The following PPP2R2C variants were observed in gnomAD, a reference collection of about 807,000 sequenced individuals.
The protein encoded by PPP2R2C is protein phosphatase 2 regulatory subunit Bgamma, also known as protein phosphatase 2, regulatory subunit B, gamma.
A neutral mutation model predicts 45.3 loss-of-function variants in PPP2R2C; 10 were observed. That is an observed-to-expected ratio of 0.22 (90% CI 0.14 to 0.37). PPP2R2C has a LOEUF of 0.37. PPP2R2C is among the 10% of genes least tolerant of loss of function. PPP2R2C has a pLI of 1.00. For synonymous variants in PPP2R2C, 257 were observed against 245.4 expected (o/e 1.05, Z -0.44); for missense variants, 308 against 619.7 (o/e 0.50, Z 5.34).
intron 1 of PPP2R2C, among the ~76,000 whole-genome samples, chr4:6,536,551 A>C (rs1266135679): frequency 6.6e-6 from 1 of 152,254 alleles, no homozygotes; most frequent in Non-Finnish European, 1.5e-5. Flanking sequence ...GCACTTTTCA[A>C]ATATGGCAGT....
chr4:6,508,904 C>T (rs546093489), intron 2 of PPP2R2C, among the ~76,000 whole-genome samples: 1 of 152,190 alleles, frequency 6.6e-6, no homozygotes, highest in Non-Finnish European at 1.5e-5. Context: ...AGCATGCCAA[C>T]GTATAAAACC....
intron 1 of PPP2R2C, among the ~76,000 whole-genome samples, chr4:6,550,433 C>T (rs1262662210): frequency 1.3e-5 from 2 of 152,218 alleles, no homozygotes; most frequent in African/African-American, 4.8e-5. Context: ...CACAGAACTT[C>T]ACCCTTCACT....
rs1009784522 is a variant in PPP2R2C at position 6,471,856 on chromosome 4, A to G, written c.70+304T>C. On this transcript the variant is annotated intron_variant, in intron 1 of 8. Coordinates refer to ENST00000382599, the MANE Select transcript of PPP2R2C (RefSeq NM_020416.4). The surrounding 1 kb of genome is among the most constrained non-coding windows in gnomAD (Gnocchi z 5.6). The stretch of plus-strand genomic sequence containing the variant: ...CGTGGCCTTTTAAAAAATTATGGTC[A>G]GGGCCGAATCAGGATGCCACCTGGC... Among the ~76,000 whole-genome samples, 1 of 151,890 alleles carries G rather than the reference A, an allele frequency of 6.6e-6. No homozygotes were observed. Among genetic ancestry groups the G allele is most frequent in the African/African-American group, 2.4e-5 (1 of 41,360 alleles).
chr4:6,417,576 C>T (rs747275975), intron 1 of PPP2R2C, among the ~76,000 whole-genome samples: 1 of 152,256 alleles, frequency 6.6e-6, no homozygotes, highest in African/African-American at 2.4e-5. Context: ...GCCTGGCACA[C>T]CCATGCCAGG....
chr4:6,390,479 G>A (rs951701061), intron 1 of PPP2R2C, among the ~76,000 whole-genome samples: 1 of 152,198 alleles, frequency 6.6e-6, no homozygotes, highest in Non-Finnish European at 1.5e-5. Flanking sequence ...CAGCCAACAA[G>A]AGCTGCCTGA....
At chr4:6,514,190 A>G (rs1723762010) in intron 2 of PPP2R2C, among the ~76,000 whole-genome samples, 1 of 152,220 alleles carries the variant, frequency 6.6e-6, no homozygotes, top group Non-Finnish European at 1.5e-5. Context: ...GCAGGTGACA[A>G]TGTTGTGCAA....
chr4:6,548,801 G>A (rs986967181), intron 1 of PPP2R2C, among the ~76,000 whole-genome samples: 3 of 152,200 alleles, frequency 2.0e-5, no homozygotes, highest in Admixed American at 6.5e-5. Context: ...TCCTGAAGAT[G>A]CCAAAATCCA....
chr4:6,408,827 G>A (rs925770017), intron 1 of PPP2R2C, among the ~76,000 whole-genome samples: 4 of 151,254 alleles, frequency 2.6e-5, no homozygotes, highest in Non-Finnish European at 5.9e-5. Flanking sequence ...GGCTGCAGCT[G>A]GTCAGGGGTG....
At chr4:6,410,252 A>G (rs10007735) in intron 1 of PPP2R2C, among the ~76,000 whole-genome samples, 69,486 of 152,068 alleles carry the variant, frequency 0.46, 16,336 homozygotes, top group East Asian at 0.71. Context: ...GGCTGGGCGC[A>G]CTTGTTCACA....
At position 6,345,109 on chromosome 4, in the gene PPP2R2C, T is replaced by C. The variant is rs1936344483; in HGVS notation, c.790+2737A>G. Among the ~76,000 whole-genome samples, 1 of 152,204 alleles carries C rather than the reference T, an allele frequency of 6.6e-6. No homozygotes were observed. The highest frequency in any genetic ancestry group is 6.5e-5 in the Admixed American group (1 of 15,278). On this transcript the variant is annotated intron_variant, in intron 6 of 8. Transcript: ENST00000382599. The surrounding 1 kb of genome is among the most constrained non-coding windows in gnomAD (Gnocchi z 5.3). ...TTGGGATATTGAGGATGTTTCTGGA[T>C]TTCCACCCCTATAAACAACAGGGTG...
intron 2 of PPP2R2C, among the ~76,000 whole-genome samples, chr4:6,512,653 ATGGTGG>A (rs79384701): frequency 6.5e-5 from 8 of 123,800 alleles, no homozygotes; most frequent in South Asian, 3.0e-4. Flanking sequence ...GATGGTGCTG[ATGGTGG>A]TGGTGGTGGT....
At chr4:6,433,844 C>A (rs1719750419) in intron 1 of PPP2R2C, among the ~76,000 whole-genome samples, 1 of 152,206 alleles carries the variant, frequency 6.6e-6, no homozygotes, top group Non-Finnish European at 1.5e-5. Flanking sequence ...GAGTAGGCAG[C>A]CCAGTCAGGG....
chr4:6,537,493 GA>G (rs1163072770), intron 1 of PPP2R2C, among the ~76,000 whole-genome samples: 3 of 149,912 alleles, frequency 2.0e-5, no homozygotes, highest in Admixed American at 2.0e-4. Context: ...TATTCAGCCT[GA>G]AAAAAAGAAT....
chr4:6,440,741 T>TGC (rs1720114439), intron 1 of PPP2R2C, among the ~76,000 whole-genome samples: 2 of 152,128 alleles, frequency 1.3e-5, no homozygotes, highest in Non-Finnish European at 2.9e-5. Context: ...GCCGCCTGAG[T>TGC]CTGTATCTCA....
At chr4:6,541,605 G>A (rs557101201) in intron 1 of PPP2R2C, among the ~76,000 whole-genome samples, 1 of 152,234 alleles carries the variant, frequency 6.6e-6, no homozygotes, top group Non-Finnish European at 1.5e-5. Flanking sequence ...GGAGTGCAGT[G>A]GCGCGATCTC....
At chr4:6,502,159 A>G (rs548238889) in intron 2 of PPP2R2C, among the ~76,000 whole-genome samples, 2 of 152,306 alleles carry the variant, frequency 1.3e-5, no homozygotes, top group South Asian at 4.1e-4. Flanking sequence ...AAGAATAAGC[A>G]TATCTGTGAT....
At chr4:6,517,216 G>A (rs1038354624) in intron 2 of PPP2R2C, among the ~76,000 whole-genome samples, 3 of 152,164 alleles carry the variant, frequency 2.0e-5, no homozygotes, top group African/African-American at 7.2e-5. Flanking sequence ...CTTCCCCTGT[G>A]ATGCTGACTC....
intron 5 of PPP2R2C, among the ~76,000 whole-genome samples, chr4:6,356,895 A>T (rs569110564): frequency 4.3e-4 from 65 of 150,430 alleles, no homozygotes; most frequent in African/African-American, 1.3e-3. Context: ...GGTGCTGGGC[A>T]GGGAGGGGCT....
At chr4:6,399,848 C>T (rs761346427) in intron 1 of PPP2R2C, among the ~76,000 whole-genome samples, 18 of 152,216 alleles carry the variant, frequency 1.2e-4, no homozygotes, top group Non-Finnish European at 2.5e-4. Flanking sequence ...ACGTCCAGTC[C>T]AGCTGGACAA....
Sources: gnomAD v4.1 joint callset for allele counts (sites outside exome capture counted in the v4.1 genomes callset) on GRCh38, gnomAD v4.1.1 for gene constraint, Gnocchi (gnomAD v3.1) non-coding constraint, MANE v1.5 for transcripts, NCBI Gene and HGNC (gene_info 2026-07-23, HGNC 2026-07-21) for gene names.